Variants in DPP10 observed in about 807,000 individuals in gnomAD.
DPP10 encodes the protein dipeptidyl peptidase like 10.
Under a neutral mutation model 120.9 loss-of-function variants are expected in DPP10, and 33 were observed. The observed-to-expected ratio is 0.27, with a 90% confidence interval of 0.21 to 0.37. The LOEUF is 0.37. DPP10 is among the 10% of genes least tolerant of loss of function. The pLI is 1.00. For missense variants in DPP10, 816 were observed against 942.8 expected (o/e 0.87, Z 1.76); for synonymous variants, 337 against 326.1 (o/e 1.03, Z -0.36).
At chr2:115,825,964 A>G (rs1323773288) in intron 21 of DPP10, among the ~76,000 whole-genome samples, 1 of 152,252 alleles carries the variant, frequency 6.6e-6, no homozygotes, top group Non-Finnish European at 1.5e-5. Flanking sequence ...TAAAAAGCAG[A>G]TTGGTCATTT....
At chr2:115,500,817 C>A (rs376671824) in intron 4 of DPP10, among the ~76,000 whole-genome samples, 7 of 151,934 alleles carry the variant, frequency 4.6e-5, no homozygotes, top group African/African-American at 1.7e-4. Context: ...ATAATACTAA[C>A]CCTTACGGAG....
intron 1 of DPP10, among the ~76,000 whole-genome samples, chr2:114,561,675 G>A (rs748224231): frequency 3.3e-5 from 5 of 151,324 alleles, no homozygotes; most frequent in Non-Finnish European, 5.9e-5. Flanking sequence ...CAATTAGAAG[G>A]AAAAAAATTC....
chr2:115,007,439 A>T (rs1701936679), intron 1 of DPP10, among the ~76,000 whole-genome samples: 1 of 152,190 alleles, frequency 6.6e-6, no homozygotes, highest in African/African-American at 2.4e-5. Context: ...AAATAATAAG[A>T]GCTATCCATG....
intron 1 of DPP10, among the ~76,000 whole-genome samples, chr2:114,858,903 A>G (rs1389222738): frequency 6.6e-6 from 1 of 152,162 alleles, no homozygotes; most frequent in Non-Finnish European, 1.5e-5. Context: ...TGGGATTTAT[A>G]TTGAGTTTGT....
rs1475133847 is a variant in DPP10 at position 115,462,455 on chromosome 2, T to C, written c.272-37055T>C. On this transcript the variant is annotated intron_variant, in intron 3 of 25. Transcript: ENST00000410059. ...TTTAATCTTTTACTAATTTCCCATT[T>C]CCTAAAAGGTTAGAATCCAAATTCC... 2.0e-5 allele frequency among the ~76,000 whole-genome samples: 3 copies of C among 152,116 alleles called. No individual in the cohort carries two copies. The East Asian group carries it at 5.8e-4, about 29-fold the overall frequency.
intron 2 of DPP10, among the ~76,000 whole-genome samples, chr2:115,328,587 GT>G (rs2062505022): frequency 6.6e-6 from 1 of 152,072 alleles, no homozygotes; most frequent in Non-Finnish European, 1.5e-5. Flanking sequence ...ATGCAAGCTA[GT>G]TTGCAGCTCA....
At chr2:114,741,723 C>T (rs1272906695) in intron 1 of DPP10, among the ~76,000 whole-genome samples, 3 of 152,038 alleles carry the variant, frequency 2.0e-5, no homozygotes. Flanking sequence ...ACCACGTGAA[C>T]ATAGAAACAC....
At chr2:115,532,300 T>G (rs2078517390) in intron 5 of DPP10, among the ~76,000 whole-genome samples, 1 of 152,042 alleles carries the variant, frequency 6.6e-6, no homozygotes, top group South Asian at 2.1e-4. Flanking sequence ...ATTAACTAAC[T>G]TCCTCAAGGG....
chr2:114,973,821 G>A (rs1160508147), intron 1 of DPP10, among the ~76,000 whole-genome samples: 2 of 152,042 alleles, frequency 1.3e-5, no homozygotes, highest in Non-Finnish European at 2.9e-5. Flanking sequence ...GCAGAAGACC[G>A]TGATGTTGAT....
chr2:115,344,399 G>T (rs1282816511), intron 3 of DPP10, among the ~76,000 whole-genome samples: 1 of 152,208 alleles, frequency 6.6e-6, no homozygotes, highest in East Asian at 1.9e-4. Flanking sequence ...TAGTTTGGCA[G>T]TGTACATTTT....
chr2:115,014,064 C>G (rs1016885004), intron 1 of DPP10, among the ~76,000 whole-genome samples: 1 of 152,154 alleles, frequency 6.6e-6, no homozygotes, highest in African/African-American at 2.4e-5. Context: ...CCACATCACA[C>G]CTATTCTAAA....
chr2:114,714,071 T>TTGTGTGTGTGTGTGTG (rs59076753), intron 1 of DPP10, among the ~76,000 whole-genome samples: 1 of 147,338 alleles, frequency 6.8e-6, no homozygotes, highest in Non-Finnish European at 1.5e-5. Context: ...GGATTTGTGT[T>TTGTGTGTGTGTGTGTG]TGTGTGTGTG....
chr2:115,745,939 G>A (rs1005783159), intron 9 of DPP10, 147 bp from the exon 10 acceptor site: 5 of 576,356 alleles, frequency 8.7e-6, no homozygotes, highest in South Asian at 4.9e-5. Context: ...TCATGTTGTC[G>A]AATTTAAAAT....
chr2:114,865,184 C>T (rs544272534), intron 1 of DPP10, among the ~76,000 whole-genome samples: 1 of 152,310 alleles, frequency 6.6e-6, no homozygotes, highest in East Asian at 1.9e-4. Context: ...TAGGTGTTTA[C>T]ATACGCTGGT....
chr2:114,609,142 G>T (rs1158784210), intron 1 of DPP10, among the ~76,000 whole-genome samples: 1 of 152,152 alleles, frequency 6.6e-6, no homozygotes, highest in Non-Finnish European at 1.5e-5. Context: ...CAGGAAGTGA[G>T]AGTGAAGTTT....
chr2:115,534,910 C>G (rs1163377391), intron 5 of DPP10, among the ~76,000 whole-genome samples: 51 of 151,978 alleles, frequency 3.4e-4, no homozygotes, highest in Non-Finnish European at 5.0e-4. Context: ...TAAATGTCTT[C>G]TTTTGAGAAG....
intron 5 of DPP10, among the ~76,000 whole-genome samples, chr2:115,686,986 C>T (rs2091024328): frequency 6.6e-6 from 1 of 151,850 alleles, no homozygotes; most frequent in Admixed American, 6.6e-5. Flanking sequence ...TTTACCCTCT[C>T]GTCATGAAAT....
At chr2:115,731,162 A>C (rs976215295) in intron 8 of DPP10, among the ~76,000 whole-genome samples, 1 of 152,122 alleles carries the variant, frequency 6.6e-6, no homozygotes, top group South Asian at 2.1e-4. Flanking sequence ...GATTGAGACC[A>C]TCCTGGCCAA....
rs1290172457 is a variant in DPP10, at chr2:114,472,800, A to G, written c.60+29962A>G. Reference sequence around the variant, plus strand: ...TTGTGATGTGTTCTAGCATTGTGAAATGAGGCAAAAAGAAATGCTGAAGCT... The same window carrying G: ...TTGTGATGTGTTCTAGCATTGTGAAGTGAGGCAAAAAGAAATGCTGAAGCT... On this transcript the variant is annotated intron_variant, in intron 1 of 25. Coordinates refer to ENST00000410059, the MANE Select transcript of DPP10 (RefSeq NM_020868.6). 3.9e-5 allele frequency among the ~76,000 whole-genome samples: 6 copies of G among 152,334 alleles called. 1 individual carries two copies. Among genetic ancestry groups the G allele is most frequent in the East Asian group, 1.9e-4 (1 of 5,184 alleles).
Sources: gnomAD v4.1 joint callset for allele counts (sites outside exome capture counted in the v4.1 genomes callset) on GRCh38, gnomAD v4.1.1 for gene constraint, MANE v1.5 for transcripts, NCBI Gene and HGNC (gene_info 2026-07-23, HGNC 2026-07-21) for gene names.